CAB39L: variants seen among roughly 807,000 people sequenced by gnomAD.
The protein encoded by CAB39L is calcium-binding protein 39-like.
Under a neutral mutation model 39.1 loss-of-function variants are expected in CAB39L, and 23 were observed. The observed-to-expected ratio is 0.59, with a 90% confidence interval of 0.42 to 0.83. The LOEUF (loss-of-function observed/expected upper bound fraction) is 0.83, where lower values mean the gene tolerates loss of function less well. CAB39L is among the 40% of genes least tolerant of loss of function. The pLI is 0.00. For synonymous variants in CAB39L, 126 were observed against 137.2 expected (o/e 0.92, Z 0.57); for missense variants, 366 against 391.9 (o/e 0.93, Z 0.56).
At chr13:49,356,891 T>C (rs1326345827) in intron 6 of CAB39L, among the ~76,000 whole-genome samples, 1 of 151,686 alleles carries the variant, frequency 6.6e-6, no homozygotes, top group East Asian at 1.9e-4. Context: ...CTACTAAAAA[T>C]AGAAAAAATT....
intron 10 of CAB39L, among the ~76,000 whole-genome samples, chr13:49,321,309 A>G (rs973545435): frequency 2.0e-5 from 3 of 152,186 alleles, no homozygotes; most frequent in East Asian, 1.9e-4. Context: ...TTCCTTAACA[A>G]TATGTTTTTT....
intron 3 of CAB39L, among the ~76,000 whole-genome samples, chr13:49,384,826 G>T (rs1190530384): frequency 6.6e-6 from 1 of 152,112 alleles, no homozygotes; most frequent in African/African-American, 2.4e-5. Flanking sequence ...TCTGAGCAGT[G>T]GGTCTCAACA....
rs1387710111 is a variant in CAB39L at position 49,332,103 on chromosome 13, A to G, written c.691-13T>C. ...GCTCCCCTAGCAGCTAGAGGAAAAC[A>G]CAAAACCAAAGCTGTAATCTCAGAG... On this transcript the variant is annotated splice_polypyrimidine_tract_variant and intron_variant, in intron 9 of 10. Coordinates refer to ENST00000409308, the MANE Select transcript of CAB39L (RefSeq NM_001079670.3). 1 of 1,612,210 alleles carries G rather than the reference A, an allele frequency of 6.2e-7. No individual in the cohort carries two copies. Among genetic ancestry groups the G allele is most frequent in the Non-Finnish European group, 8.5e-7 (1 of 1,178,774 alleles).
intron 3 of CAB39L, among the ~76,000 whole-genome samples, chr13:49,425,360 A>C (rs1448449456): frequency 2.6e-5 from 4 of 152,156 alleles, no homozygotes; most frequent in African/African-American, 9.7e-5. Context: ...ACTAGGAGAA[A>C]TCATTACAAA....
At chr13:49,405,771 G>A (rs1023014918) in intron 3 of CAB39L, among the ~76,000 whole-genome samples, 1 of 90,108 alleles carries the variant, frequency 1.1e-5, no homozygotes, top group African/African-American at 3.7e-5. Context: ...CGGAGGGACA[G>A]AGGGAGGGAG....
chr13:49,350,170 A>G (rs546501849), intron 7 of CAB39L, among the ~76,000 whole-genome samples: 10 of 152,384 alleles, frequency 6.6e-5, no homozygotes, highest in Non-Finnish European at 1.5e-4. Flanking sequence ...CTACATAGTG[A>G]CAAAGTAGAT....
chr13:49,317,145 G>A (rs1357717103), intron 10 of CAB39L, among the ~76,000 whole-genome samples: 6 of 152,138 alleles, frequency 3.9e-5, no homozygotes, highest in South Asian at 2.1e-4. Context: ...CAAGTGTACC[G>A]CATTAGCAGA....
At chr13:49,370,797 G>A (rs1336622729) in intron 5 of CAB39L, among the ~76,000 whole-genome samples, 1 of 152,136 alleles carries the variant, frequency 6.6e-6, no homozygotes, top group Non-Finnish European at 1.5e-5. Context: ...CTAATTAAGA[G>A]CCTGATGCCA....
chr13:49,373,331 C>CA (rs1474758675), intron 5 of CAB39L, among the ~76,000 whole-genome samples: 11 of 152,128 alleles, frequency 7.2e-5, no homozygotes, highest in Non-Finnish European at 1.0e-4. Context: ...TTCAAACTAA[C>CA]AAAAAAGCCA....
At chr13:49,332,917 C>T (rs1954751905) in intron 9 of CAB39L, among the ~76,000 whole-genome samples, 1 of 151,890 alleles carries the variant, frequency 6.6e-6, no homozygotes. Context: ...TTCAATTGTC[C>T]TATTTACTGG....
At chr13:49,357,072 T>C (rs1362831900) in intron 6 of CAB39L, among the ~76,000 whole-genome samples, 10 of 149,398 alleles carry the variant, frequency 6.7e-5, no homozygotes, top group African/African-American at 2.5e-4. Context: ...AAGAAAATGG[T>C]AACAGGTAAA....
chr13:49,421,204 G>A (rs1012227878), intron 3 of CAB39L, among the ~76,000 whole-genome samples: 5 of 151,934 alleles, frequency 3.3e-5, no homozygotes, highest in African/African-American at 4.8e-5. Flanking sequence ...CTCTCTGCCC[G>A]CCCCTGGAAA....
intron 5 of CAB39L, among the ~76,000 whole-genome samples, chr13:49,362,185 A>G (rs61950798): frequency 2.6e-5 from 4 of 152,216 alleles, no homozygotes; most frequent in Non-Finnish European, 4.4e-5. Context: ...GTCCTGTCAG[A>G]TACTGATAAA....
rs568958413 is a variant in CAB39L at position 49,434,094 on chromosome 13, C to A, written c.-116G>T. Reference sequence around the variant, plus strand: ...AATAAGAGAAAACTTACGCTTCTCTCCTTTAGTGCATTGCTCTTGCATGAA... The same window carrying A: ...AATAAGAGAAAACTTACGCTTCTCTACTTTAGTGCATTGCTCTTGCATGAA... On this transcript the variant is annotated 5_prime_UTR_variant, in exon 2 of 11. The change creates a premature stop within an existing upstream ORF in the 5' untranslated region. Transcript: ENST00000409308. 2.2e-6 allele frequency: 1 copy of A among 454,292 alleles called. No homozygotes were observed. The highest frequency in any genetic ancestry group is 4.4e-6 in the Non-Finnish European group (1 of 226,302). 28.1% of individuals were successfully genotyped at this position (454,292 alleles called of 1,614,324 possible). A position where few individuals can be genotyped will look rare whatever the true frequency, so the allele number is the denominator to read the frequency against.
At chr13:49,417,615 C>CAGAAGCAAATAAT (rs1957106038) in intron 3 of CAB39L, among the ~76,000 whole-genome samples, 5 of 145,448 alleles carry the variant, frequency 3.4e-5, no homozygotes, top group Admixed American at 2.1e-4. Context: ...AAGCAAATAA[C>CAGAAGCAAATAAT]GGAAGCAAAA....
intron 6 of CAB39L, among the ~76,000 whole-genome samples, chr13:49,356,973 T>G (rs904707759): frequency 3.4e-5 from 5 of 147,434 alleles, no homozygotes; most frequent in African/African-American, 1.3e-4. Context: ...CGCTTGAACC[T>G]GGGAGGGAGA....
intron 5 of CAB39L, among the ~76,000 whole-genome samples, chr13:49,361,757 T>C (rs919610563): frequency 6.6e-6 from 1 of 152,128 alleles, no homozygotes; most frequent in Admixed American, 6.5e-5. Context: ...CCTTTTTTCA[T>C]GAACTCTGTC....
At chr13:49,333,561 T>C (rs1172462657) in intron 9 of CAB39L, among the ~76,000 whole-genome samples, 1 of 140,512 alleles carries the variant, frequency 7.1e-6, no homozygotes, top group Non-Finnish European at 1.6e-5. Flanking sequence ...CATTTCTTTC[T>C]TTCTTTCTTT....
At chr13:49,348,603 C>T (rs1457965559) in intron 7 of CAB39L, among the ~76,000 whole-genome samples, 1 of 152,160 alleles carries the variant, frequency 6.6e-6, no homozygotes, top group Non-Finnish European at 1.5e-5. Flanking sequence ...TACCCTGCTC[C>T]TAGGCAGCTG....
Sources: allele counts gnomAD v4.1 joint callset (sites outside exome capture counted in the v4.1 genomes callset), GRCh38; gene constraint gnomAD v4.1.1; transcripts MANE v1.5; gene names NCBI Gene and HGNC (gene_info 2026-07-23, HGNC 2026-07-21).